Variants in CELSR2 observed in about 807,000 individuals in gnomAD.
The protein encoded by CELSR2 is cadherin EGF LAG seven-pass G-type receptor 2.
CELSR2 carries 81 observed loss-of-function variants against 251.6 expected under a neutral mutation model. The ratio of observed to expected loss-of-function variants is 0.32; its 90% CI spans 0.27 to 0.39. CELSR2 has a LOEUF of 0.39. Among genes scored for constraint, CELSR2 ranks in the 10% least tolerant of loss-of-function variants. CELSR2 has a pLI of 1.00. For synonymous variants in CELSR2, 1,721 were observed against 1,670.5 expected, an observed-to-expected ratio of 1.03 and a Z score of -0.74; for missense variants, 3,365 against 3,947.7, an observed-to-expected ratio of 0.85 and a Z score of 3.96.
Position 109,269,331 on chromosome 1 carries a change from G to C in CELSR2, c.6812+41G>C. 6.2e-7 allele frequency: 1 copy of C among 1,611,506 alleles called. No homozygotes were observed. The highest frequency in any genetic ancestry group is 8.5e-7 in the Non-Finnish European group (1 of 1,179,276). On this transcript the variant is annotated intron_variant, in intron 20 of 33. Coordinates refer to ENST00000271332, the MANE Select transcript of CELSR2 (RefSeq NM_001408.3). This position sits in a 1 kb window ranked among gnomAD's most constrained non-coding sequence, Gnocchi z 6.4. ...ACAGGTGTGGGTAGGGGTATGGGTCGGGCGGTGAGTGCTGAGGCATGGAGG... is the reference window on the plus strand; with the variant it reads ...ACAGGTGTGGGTAGGGGTATGGGTCCGGCGGTGAGTGCTGAGGCATGGAGG...
rs755457163 is a variant in CELSR2, at chr1:109,272,987, G to A, written c.8298G>A (p.Gly2766=). The A allele has an allele frequency of 3.7e-6, 6 of 1,613,900 alleles. No homozygotes were observed. The highest frequency in any genetic ancestry group is 5.1e-6 in the Non-Finnish European group (6 of 1,179,906). The part of the protein sequence containing the change: ...PGEQGWDSLL[G]PGAERLPLHS... Reference sequence around the variant, plus strand: ...AGCAGGGCTGGGATAGCCTGCTGGGGCCTGGAGCAGAGAGACTGCCCCTGC... The same window carrying A: ...AGCAGGGCTGGGATAGCCTGCTGGGACCTGGAGCAGAGAGACTGCCCCTGC... The change falls in exon 31 of 34, where the codon GGG becomes GGA. Residue 2766 remains glycine (G), a synonymous_variant. Transcript: ENST00000271332.
chr1:109,253,178 T>C lies in CELSR2; in HGVS notation c.3099T>C (p.Tyr1033=), dbSNP rs1338283322. ...LGNFEILFNN[Y]VTNRSSSFPG... ...ACTTTGAGATCCTTTTCAACAACTA[T>C]GTCACCAATCGCTCAAGCAGCTTCC... Residue 1033 remains tyrosine, a synonymous_variant, in exon 1 of 34, where the codon TAT becomes TAC. Transcript: ENST00000271332. 1 of 1,613,714 alleles carries C rather than the reference T, an allele frequency of 6.2e-7. No individual in the cohort carries two copies. The highest frequency in any genetic ancestry group is 8.5e-7 in the Non-Finnish European group (1 of 1,180,038).
In CELSR2 at chr1:109,250,754, T is replaced by C; in HGVS notation, c.675T>C (p.Asp225=). The C allele has an allele frequency of 6.2e-7, 1 of 1,614,072 alleles. No individual in the cohort carries two copies. The highest frequency in any genetic ancestry group is 2.2e-5 in the East Asian group (1 of 44,878). The change falls in exon 1 of 34, where the codon GAT becomes GAC. Residue 225 remains aspartate, a synonymous_variant. Coordinates refer to ENST00000271332, the MANE Select transcript of CELSR2 (RefSeq NM_001408.3). This position sits in a 1 kb window ranked among gnomAD's most constrained non-coding sequence, Gnocchi z 4.4. ...RLEYTMDALF[D]SRSNQFFSLD... ...AGTACACCATGGATGCCCTCTTTGA[T>C]AGCCGCTCCAACCAGTTCTTCTCCC...
intron 1 of CELSR2, among the ~76,000 whole-genome samples, chr1:109,254,980 G>A (rs141282188): frequency 1.6e-3 from 239 of 152,294 alleles, no homozygotes; most frequent in African/African-American, 4.9e-3. Context: ...TTTGGTGAGC[G>A]TGGCCAGGCA....
Position 109,268,987 on chromosome 1 carries a change from C to T in CELSR2, c.6610C>T (p.Leu2204=). ...CCCGGACCTTGAGACAACAGTCATT[C>T]TGCCTGAGTCTGTCTTCAGAGGTCA... is the stretch of plus-strand genomic sequence containing the variant. ...QPPDLETTVI[L]PESVFRETPP... is the part of the protein sequence containing the mutation. Residue 2204 remains leucine, a synonymous_variant, in exon 19 of 34, where the codon CTG becomes TTG. Transcript: ENST00000271332. 6 of 1,612,694 alleles carry T rather than the reference C, an allele frequency of 3.7e-6. No homozygotes were observed. The highest frequency in any genetic ancestry group is 5.1e-6 in the Non-Finnish European group (6 of 1,179,038).
At position 109,264,215 on chromosome 1, in the gene CELSR2, C is replaced by A; in HGVS notation, c.5139C>A (p.Gly1713=). The A allele has an allele frequency of 6.2e-7, 1 of 1,613,618 alleles. No individual in the cohort carries two copies. The highest frequency in any genetic ancestry group is 8.5e-7 in the Non-Finnish European group (1 of 1,179,932). Residue 1713 remains glycine, a synonymous_variant, in exon 10 of 34, where the codon GGC becomes GGA. Coordinates refer to ENST00000271332, the MANE Select transcript of CELSR2 (RefSeq NM_001408.3). ...QLALGASGGP[G]HAILSFDYGQ... Reference sequence around the variant, plus strand: ...CACTGGGAGCCAGCGGGGGGCCCGGCCATGCCATTCTGTCCTTCGATTATG... The same window carrying A: ...CACTGGGAGCCAGCGGGGGGCCCGGACATGCCATTCTGTCCTTCGATTATG...
chr1:109,269,681 C>A lies in CELSR2; in HGVS notation c.6981-13C>A, dbSNP rs1287937406. 6.2e-7 allele frequency: 1 copy of A among 1,614,124 alleles called. No individual in the cohort carries two copies. Among genetic ancestry groups the A allele is most frequent in the East Asian group, 2.2e-5 (1 of 44,882 alleles). On this transcript the variant is annotated splice_polypyrimidine_tract_variant and intron_variant, in intron 21 of 33. Transcript: ENST00000271332. This position sits in a 1 kb window ranked among gnomAD's most constrained non-coding sequence, Gnocchi z 6.4. ...ACCCTCCTTGTCTCCCTGACCCTGC[C>A]TTCCTCACACAGGGTCAGTGGCACA...
rs149888073 is a variant in CELSR2, at chr1:109,264,274, G to A, written c.5198G>A (p.Arg1733Gln). Residue 1733 changes from arginine (R) to glutamine (Q), a missense_variant, in exon 10 of 34, where the codon CGG becomes CAG. Physicochemically the swap from Arg to Gln is conservative, Grantham distance 43. Transcript: ENST00000271332. The stretch of plus-strand genomic sequence containing the variant: ...AGAGCAGAGGGCAACCTGGGCCCCC[G>A]GCTGCATGGTCTGCACCTGAGCAAC... The part of the protein sequence containing the change: ...QQRAEGNLGP[R>Q]LHGLHLSNIT... The A allele has an allele frequency of 1.1e-5, 18 of 1,613,838 alleles. No homozygotes were observed. The African/African-American group carries it at 1.9e-4, about 17-fold the overall frequency.
At chr1:109,260,170 T>TA (rs1655978264) in intron 2 of CELSR2, among the ~76,000 whole-genome samples, 1 of 2,980 alleles carries the variant, frequency 3.4e-4, no homozygotes, top group African/African-American at 1.4e-3. Flanking sequence ...AGGAGGATGG[T>TA]GGGGGGGGTT....
intron 11 of CELSR2, 49 bp downstream of exon 11, chr1:109,264,677 C>A: frequency 6.3e-7 from 1 of 1,593,800 alleles, no homozygotes; most frequent in East Asian, 2.3e-5. Context: ...TGCCTGGGGC[C>A]ACATGCTGGC....
chr1:109,261,750 A>C lies in CELSR2; in HGVS notation c.4298-58A>C. 6.4e-7 allele frequency: 1 copy of C among 1,556,312 alleles called. No individual in the cohort carries two copies. The highest frequency in any genetic ancestry group is 8.8e-7 in the Non-Finnish European group (1 of 1,140,150). On this transcript the variant is annotated intron_variant, in intron 4 of 33. Transcript: ENST00000271332. This position sits in a 1 kb window ranked among gnomAD's most constrained non-coding sequence, Gnocchi z 4.8. ...GCCCAGCCCCAGCCACTGGCACCCC[A>C]AACCCTGCCATTCCTAGCCCTCGTC...
At chr1:109,273,698 G>T in intron 33 of CELSR2, 28 bp downstream of exon 33, 1 of 1,381,256 alleles carries the variant, frequency 7.2e-7, no homozygotes, top group Non-Finnish European at 9.7e-7. Context: ...GGCGGGACGG[G>T]GTGCAGCCCC....
intron 11 of CELSR2, 65 bp from the exon 12 acceptor site, chr1:109,264,803 G>A: frequency 1.2e-6 from 2 of 1,611,718 alleles, no homozygotes; most frequent in African/African-American, 2.7e-5. Flanking sequence ...CAGATGAAGG[G>A]TTTGATGGAA....
Position 109,258,901 on chromosome 1 carries a change from C to A in CELSR2, c.3780C>A (p.Ser1260=). ...DSSAPFIASS[S]VLFRPIHPVG... is the part of the protein sequence containing the mutation. ...CCGCGCCCTTCATCGCCTCCTCCTC[C>A]GTGCTCTTCCGGCCCATCCACCCCG... The change falls in exon 2 of 34, where the codon TCC becomes TCA. Residue 1260 remains serine (S), a synonymous_variant. Coordinates refer to ENST00000271332, the MANE Select transcript of CELSR2 (RefSeq NM_001408.3). The A allele has an allele frequency of 6.2e-7, 1 of 1,612,436 alleles. No homozygotes were observed. Among genetic ancestry groups the A allele is most frequent in the Non-Finnish European group, 8.5e-7 (1 of 1,179,470 alleles).
rs184626807 is a variant in CELSR2 at position 109,270,582 on chromosome 1, G to A, written c.7465G>A (p.Val2489Met). Residue 2489 changes from valine to methionine, a missense_variant, in exon 24 of 34, where the codon GTG (valine) becomes ATG (methionine). By Grantham distance (21) the Val-to-Met change is conservative. Around this residue, in one of 5 missense-constraint regions of CELSR2, gnomAD observed 2,093 missense variants for 2,382.8 expected, o/e 0.88. Coordinates refer to ENST00000271332, the MANE Select transcript of CELSR2 (RefSeq NM_001408.3). ...MRFYYMLGWG[V>M]PAFITGLAVG... is the part of the protein sequence containing the mutation. ...CTTCTACTACATGCTGGGCTGGGGC[G>A]TGCCTGCCTTCATCACAGGTACTCC... 6 of 1,614,012 alleles carry A rather than the reference G, an allele frequency of 3.7e-6. No homozygotes were observed. The highest frequency in any genetic ancestry group is 2.2e-5 in the East Asian group (1 of 44,892).
rs1187341557 is a variant in CELSR2, at chr1:109,262,422, G to A, written c.4522G>A (p.Gly1508Ser). The A allele has an allele frequency of 3.7e-6, 6 of 1,614,044 alleles. No homozygotes were observed. Among genetic ancestry groups the A allele is most frequent in the Non-Finnish European group, 5.1e-6 (6 of 1,180,036 alleles). ...GGGCAACTACTCCTGTGCTGCCCAGGGCACCCAGGGTGGCAGCAAGAAGTG... is the reference window on the plus strand; with the variant it reads ...GGGCAACTACTCCTGTGCTGCCCAGAGCACCCAGGGTGGCAGCAAGAAGTG... The part of the protein sequence containing the change: ...VLGNYSCAAQ[G>S]TQGGSKKSLD... The change falls in exon 6 of 34, where the codon GGC becomes AGC. Residue 1508 changes from glycine (G) to serine (S), a missense_variant. This residue lies in a region of CELSR2 where 2,093 missense variants were observed against 2,382.8 expected (regional missense o/e 0.88). Coordinates refer to ENST00000271332, the MANE Select transcript of CELSR2 (RefSeq NM_001408.3).
At position 109,253,109 on chromosome 1, in the gene CELSR2, C is replaced by A; in HGVS notation, c.3030C>A (p.His1010Gln). The A allele has an allele frequency of 6.2e-7, 1 of 1,613,844 alleles. No individual in the cohort carries two copies. Among genetic ancestry groups the A allele is most frequent in the Non-Finnish European group, 8.5e-7 (1 of 1,180,040 alleles). The change falls in exon 1 of 34, where the codon CAC becomes CAA. Residue 1010 changes from histidine to glutamine, a missense_variant. Transcript: ENST00000271332. Reference sequence around the variant, plus strand: ...CTCTGGTGAGCCGGGCTACAGTCCACGTCCGCCTCCTTGACCGCAATGACA... The same window carrying A: ...CTCTGGTGAGCCGGGCTACAGTCCAAGTCCGCCTCCTTGACCGCAATGACA... ...SAPLVSRATV[H>Q]VRLLDRNDNP...
chr1:109,265,075 A>G, intron 12 of CELSR2, 66 bp downstream of exon 12: 1 of 1,605,086 alleles, frequency 6.2e-7, no homozygotes, highest in Non-Finnish European at 8.5e-7. Context: ...TGTGTCCCTC[A>G]GAGCCCCGAA....
chr1:109,274,210 C>G lies in CELSR2; in HGVS notation c.*161C>G, dbSNP rs1399750806. 2.0e-6 allele frequency: 3 copies of G among 1,534,740 alleles called. No individual in the cohort carries two copies. The highest frequency in any genetic ancestry group is 2.6e-6 in the Non-Finnish European group (3 of 1,144,160). ...AGCCTGGGCCTTGCCGGGAGGGGTA[C>G]TCACCCCACCTAAGGCCATCTAGTG... On this transcript the variant is annotated 3_prime_UTR_variant, in exon 34 of 34. Transcript: ENST00000271332.
Sources: gnomAD v4.1 joint callset for allele counts (sites outside exome capture counted in the v4.1 genomes callset) on GRCh38, gnomAD v4.1.1 for gene constraint, gnomAD v4.1.1 regional missense constraint, Gnocchi (gnomAD v3.1) non-coding constraint, MANE v1.5 for transcripts, NCBI Gene and HGNC (gene_info 2026-07-23, HGNC 2026-07-21) for gene names.